KCNJ6: variants seen among roughly 807,000 people sequenced by gnomAD.
KCNJ6 encodes potassium inwardly rectifying channel subfamily J member 6, also known as G protein-activated inward rectifier potassium channel 2.
A neutral mutation model predicts 34.2 loss-of-function variants in KCNJ6; 9 were observed. The observed-to-expected ratio is 0.26, with a 90% confidence interval of 0.16 to 0.46. The LOEUF (loss-of-function observed/expected upper bound fraction) is 0.46, where lower values mean the gene tolerates loss of function less well. Among genes scored for constraint, KCNJ6 ranks in the 20% least tolerant of loss-of-function variants. KCNJ6 has a pLI of 1.00. For synonymous variants in KCNJ6, 196 were observed against 207.1 expected (o/e 0.95, Z 0.46); for missense variants, 236 against 531.3 (o/e 0.44, Z 5.46).
At chr21:37,779,507 C>A (rs990930468) in intron 2 of KCNJ6, among the ~76,000 whole-genome samples, 1 of 152,092 alleles carries the variant, frequency 6.6e-6, no homozygotes, top group Non-Finnish European at 1.5e-5. Context: ...ATCCATAGAC[C>A]CCATTGCACT....
chr21:37,867,990 T>A (rs956386425), intron 1 of KCNJ6, among the ~76,000 whole-genome samples: 4 of 152,232 alleles, frequency 2.6e-5, no homozygotes, highest in African/African-American at 9.6e-5. Flanking sequence ...CAGAAATCGC[T>A]AGTTCTTGTG....
At chr21:37,763,450 C>G (rs2055076051) in intron 2 of KCNJ6, among the ~76,000 whole-genome samples, 1 of 152,214 alleles carries the variant, frequency 6.6e-6, no homozygotes, top group Non-Finnish European at 1.5e-5. Context: ...TTCCCCACCC[C>G]CGCCTTGATG....
intron 1 of KCNJ6, among the ~76,000 whole-genome samples, chr21:37,878,800 CA>C (rs1016377734): frequency 2.0e-5 from 3 of 152,034 alleles, no homozygotes; most frequent in African/African-American, 4.8e-5. Context: ...GGGAGGGGGA[CA>C]GGGGCATGTG....
At chr21:37,893,619 C>T (rs1291179784) in intron 1 of KCNJ6, among the ~76,000 whole-genome samples, 8 of 151,236 alleles carry the variant, frequency 5.3e-5, no homozygotes, top group South Asian at 4.2e-4. Flanking sequence ...CTCTCACCTA[C>T]GGCTGGAGAA....
intron 3 of KCNJ6, among the ~76,000 whole-genome samples, chr21:37,683,624 C>T (rs1042870232): frequency 5.3e-5 from 8 of 152,130 alleles, no homozygotes; most frequent in African/African-American, 1.9e-4. Flanking sequence ...TTTGTTTGTT[C>T]GTTTGCATGA....
At chr21:37,697,501 A>G (rs1443274773) in intron 3 of KCNJ6, among the ~76,000 whole-genome samples, 2 of 152,202 alleles carry the variant, frequency 1.3e-5, no homozygotes, top group African/African-American at 2.4e-5. Context: ...GAGAAATTTC[A>G]TATGTGCTAC....
At chr21:37,679,193 G>T (rs1318785275) in intron 3 of KCNJ6, among the ~76,000 whole-genome samples, 2 of 152,180 alleles carry the variant, frequency 1.3e-5, no homozygotes, top group Non-Finnish European at 1.5e-5. Flanking sequence ...GCCTTCAGAT[G>T]ACTGCAGCCC....
At chr21:37,832,870 C>T (rs2055433282) in intron 2 of KCNJ6, among the ~76,000 whole-genome samples, 1 of 152,174 alleles carries the variant, frequency 6.6e-6, no homozygotes, top group Non-Finnish European at 1.5e-5. Context: ...TCCTGCATGG[C>T]TCAAGCTTTC....
At chr21:37,756,937 A>AGCGT (rs1388844149) in intron 2 of KCNJ6, among the ~76,000 whole-genome samples, 5 of 29,224 alleles carry the variant, frequency 1.7e-4, no homozygotes, top group Admixed American at 1.1e-3. Context: ...ACTCCCTCAC[A>AGCGT]GATTCCAGCC....
chr21:37,792,703 A>G (rs1601473664), intron 2 of KCNJ6, among the ~76,000 whole-genome samples: 1 of 152,304 alleles, frequency 6.6e-6, no homozygotes, highest in East Asian at 1.9e-4. Flanking sequence ...CACTTCCCCA[A>G]TATCACACAG....
intron 1 of KCNJ6, among the ~76,000 whole-genome samples, chr21:37,867,328 C>T (rs986977357): frequency 6.6e-6 from 1 of 152,190 alleles, no homozygotes; most frequent in Non-Finnish European, 1.5e-5. Context: ...GGACAAAAAT[C>T]TGTCCAGTGA....
chr21:37,784,643 G>C (rs1166011822), intron 2 of KCNJ6, among the ~76,000 whole-genome samples: 2 of 152,120 alleles, frequency 1.3e-5, no homozygotes, highest in Non-Finnish European at 2.9e-5. Context: ...CTGAGTCGAA[G>C]TGAATGTCCC....
At chr21:37,895,928 G>T (rs1170479195) in intron 1 of KCNJ6, among the ~76,000 whole-genome samples, 1 of 152,202 alleles carries the variant, frequency 6.6e-6, no homozygotes, top group Non-Finnish European at 1.5e-5. Context: ...CAGGCTCATT[G>T]TATTACGCCG....
intron 2 of KCNJ6, among the ~76,000 whole-genome samples, chr21:37,776,333 C>T (rs1283360525): frequency 6.6e-6 from 1 of 152,170 alleles, no homozygotes; most frequent in African/African-American, 2.4e-5. Context: ...ATTGAATACC[C>T]TTTATTACCT....
chr21:37,751,989 A>G (rs527244037), intron 2 of KCNJ6, among the ~76,000 whole-genome samples: 2 of 152,368 alleles, frequency 1.3e-5, no homozygotes, highest in Admixed American at 1.3e-4. Flanking sequence ...AGAGTGCATT[A>G]GGAACAGTTA....
At chr21:37,820,374 C>G (rs1157403628) in intron 2 of KCNJ6, among the ~76,000 whole-genome samples, 1 of 152,156 alleles carries the variant, frequency 6.6e-6, no homozygotes, top group Admixed American at 6.5e-5. Flanking sequence ...TGTTCCTGCT[C>G]AAAGCTGGGT....
chr21:37,884,180 T>G (rs59624794), intron 1 of KCNJ6, among the ~76,000 whole-genome samples: 4,122 of 152,280 alleles, frequency 0.027, 231 homozygotes, highest in East Asian at 0.22. Context: ...TCTGGGCCTA[T>G]AAGCCAGGTG....
intron 2 of KCNJ6, among the ~76,000 whole-genome samples, chr21:37,737,563 G>T (rs943027247): frequency 2.6e-5 from 4 of 152,210 alleles, no homozygotes; most frequent in Non-Finnish European, 5.9e-5. Context: ...TAATTGATCT[G>T]CAGTCAAGTC....
intron 2 of KCNJ6, among the ~76,000 whole-genome samples, chr21:37,722,768 C>G (rs970490443): frequency 6.6e-6 from 1 of 152,176 alleles, no homozygotes; most frequent in South Asian, 2.1e-4. Flanking sequence ...TACCTTTCAC[C>G]ATATACAAAG....
Sources: gnomAD v4.1 joint callset for allele counts (sites outside exome capture counted in the v4.1 genomes callset) on GRCh38, gnomAD v4.1.1 for gene constraint, MANE v1.5 for transcripts, NCBI Gene and HGNC (gene_info 2026-07-23, HGNC 2026-07-21) for gene names.